MAST2: variants seen among roughly 807,000 people sequenced by gnomAD.
The protein encoded by MAST2 is microtubule-associated serine/threonine-protein kinase 2.
MAST2 carries 70 observed loss-of-function variants against 147.4 expected under a neutral mutation model. That is an observed-to-expected ratio of 0.47 (90% CI 0.39 to 0.58). The LOEUF (loss-of-function observed/expected upper bound fraction) is 0.58. MAST2 is among the 20% of genes least tolerant of loss of function. The probability of loss-of-function intolerance (pLI) is 0.00; values close to 1 mark genes in which losing one functional copy is unlikely to be tolerated. For synonymous variants in MAST2, 869 were observed against 896.8 expected (o/e 0.97, Z 0.55); for missense variants, 2,080 against 2,302.3 (o/e 0.90, Z 1.98).
At chr1:45,879,115 A>G (rs2148262896) in intron 3 of MAST2, among the ~76,000 whole-genome samples, 1 of 152,278 alleles carries the variant, frequency 6.6e-6, no homozygotes, top group South Asian at 2.1e-4. Context: ...AGAAAAATAG[A>G]TCAGTAGGAT....
intron 5 of MAST2, among the ~76,000 whole-genome samples, chr1:45,991,072 G>A (rs1030641552): frequency 6.6e-6 from 1 of 151,976 alleles, no homozygotes; most frequent in African/African-American, 2.4e-5. Flanking sequence ...GTTAATTTTT[G>A]TAAAAGGTTG....
At position 45,866,857 on chromosome 1, in the gene MAST2, C is replaced by G. The variant is rs1646174284; in HGVS notation, c.469-15507C>G. Among the ~76,000 whole-genome samples, 2 of 152,028 alleles carry G rather than the reference C, an allele frequency of 1.3e-5. 1 individual carries two copies. Among genetic ancestry groups the G allele is most frequent in the South Asian group, 4.1e-4 (2 of 4,836 alleles). On this transcript the variant is annotated intron_variant, in intron 3 of 28. Coordinates refer to ENST00000361297, the MANE Select transcript of MAST2 (RefSeq NM_015112.3). ...TCCCAGGTTCAAGTGATTCTCCTGC[C>G]TCTGCCTCCGGAGTCGAGTAGCTGG...
chr1:45,833,277 T>C (rs903762596), intron 3 of MAST2, among the ~76,000 whole-genome samples: 7 of 152,218 alleles, frequency 4.6e-5, no homozygotes, highest in African/African-American at 1.7e-4. Flanking sequence ...GTAGAAATCA[T>C]GATCCTAATT....
chr1:45,987,759 CTTG>C (rs1018432371), intron 5 of MAST2, among the ~76,000 whole-genome samples: 4 of 17,422 alleles, frequency 2.3e-4, no homozygotes, highest in African/African-American at 9.5e-4. Flanking sequence ...GAGAGCATTT[CTTG>C]TTTTTTTTTT....
At chr1:45,842,634 T>C (rs1645312983) in intron 3 of MAST2, among the ~76,000 whole-genome samples, 1 of 152,266 alleles carries the variant, frequency 6.6e-6, no homozygotes, top group African/African-American at 2.4e-5. Context: ...ATTGGTACTT[T>C]ATTCCTTCTT....
At chr1:45,990,623 C>T (rs1187089185) in intron 5 of MAST2, among the ~76,000 whole-genome samples, 2 of 152,054 alleles carry the variant, frequency 1.3e-5, no homozygotes, top group Non-Finnish European at 2.9e-5. Context: ...TAGCTGAGAC[C>T]AGGTGCGTTA....
At chr1:45,906,249 A>G (rs1007047232) in intron 4 of MAST2, among the ~76,000 whole-genome samples, 1 of 152,228 alleles carries the variant, frequency 6.6e-6, no homozygotes, top group Non-Finnish European at 1.5e-5. Flanking sequence ...GACTGCATAG[A>G]CACTGGTGAT....
intron 4 of MAST2, among the ~76,000 whole-genome samples, chr1:45,939,794 C>T (rs28831083): frequency 0.34 from 51,504 of 151,732 alleles, 9,116 homozygotes; most frequent in African/African-American, 0.43. Context: ...CCCACCTTGG[C>T]CTCCCAGAGT....
At position 46,004,954 on chromosome 1, in the gene MAST2, C is replaced by A. The variant is rs1182129999; in HGVS notation, c.748-1287C>A. On this transcript the variant is annotated intron_variant, in intron 7 of 28. Coordinates refer to ENST00000361297, the MANE Select transcript of MAST2 (RefSeq NM_015112.3). ...TGGTGGCATGCACCTGCAGTTTCAG[C>A]TGCTTGGGAGGCTGAGGCATGAGGA... Among the ~76,000 whole-genome samples, 5 of 152,152 alleles carry A rather than the reference C, an allele frequency of 3.3e-5. No individual in the cohort carries two copies. The East Asian group carries it at 9.6e-4, about 29-fold the overall frequency.
intron 5 of MAST2, among the ~76,000 whole-genome samples, chr1:45,989,303 G>T (rs1264718344): frequency 6.6e-6 from 1 of 152,266 alleles, no homozygotes; most frequent in East Asian, 1.9e-4. Flanking sequence ...CTCAGTTCCA[G>T]TGTACGTGTA....
Position 46,029,373 on chromosome 1 carries a change from G to T in MAST2, c.2219-93G>T. 7 of 1,043,976 alleles carry T rather than the reference G, an allele frequency of 6.7e-6. No homozygotes were observed. In the Admixed American group the frequency reaches 7.5e-5, roughly 11 times the overall value. The allele number at this position is 1,043,976 out of a possible 1,614,324, so 64.7% of individuals were successfully genotyped here. A position where few individuals can be genotyped will look rare whatever the true frequency, so the allele number is the denominator to read the frequency against. On this transcript the variant is annotated intron_variant, in intron 18 of 28. Coordinates refer to ENST00000361297, the MANE Select transcript of MAST2 (RefSeq NM_015112.3). ...AGGGGCTCCAGGCTGGGTCCTTTTTGCCTCCTTTCCTTTCACTGTTCTGGG... is the reference window on the plus strand; with the variant it reads ...AGGGGCTCCAGGCTGGGTCCTTTTTTCCTCCTTTCCTTTCACTGTTCTGGG...
At chr1:45,852,544 T>C (rs1645656343) in intron 3 of MAST2, among the ~76,000 whole-genome samples, 1 of 150,958 alleles carries the variant, frequency 6.6e-6, no homozygotes. Context: ...TTTTTTTTTT[T>C]TTAATTTGTA....
intron 4 of MAST2, among the ~76,000 whole-genome samples, chr1:45,897,434 G>T (rs1032762743): frequency 2.0e-5 from 3 of 152,202 alleles, no homozygotes; most frequent in Non-Finnish European, 4.4e-5. Context: ...TTCAGCACTT[G>T]TAGTTGCAAC....
chr1:45,854,802 A>G (rs1171566377), intron 3 of MAST2, among the ~76,000 whole-genome samples: 3 of 152,194 alleles, frequency 2.0e-5, no homozygotes, highest in Admixed American at 2.0e-4. Flanking sequence ...TAAGCATCAG[A>G]TCCCATAGGC....
Position 46,035,091 on chromosome 1 carries a change from C to T in MAST2, c.4422C>T (p.Pro1474=), listed in dbSNP as rs1436953784. The part of the protein sequence containing the change: ...LPGKGVLQPA[P]SRALGTLRQD... Reference sequence around the variant, plus strand: ...GGAAGGGGGTGCTGCAGCCTGCTCCCTCACGGGCCCTAGGCACCCTCCGGC... The same window carrying T: ...GGAAGGGGGTGCTGCAGCCTGCTCCTTCACGGGCCCTAGGCACCCTCCGGC... Residue 1474 remains proline (P), a synonymous_variant, in exon 29 of 29, where the codon CCC becomes CCT. Transcript: ENST00000361297. The surrounding 1 kb of genome is among the most constrained non-coding windows in gnomAD (Gnocchi z 5.5). 1 of 1,613,674 alleles carries T rather than the reference C, an allele frequency of 6.2e-7. No homozygotes were observed. The highest frequency in any genetic ancestry group is 8.5e-7 in the Non-Finnish European group (1 of 1,179,960).
At chr1:45,850,411 G>A (rs559154864) in intron 3 of MAST2, among the ~76,000 whole-genome samples, 1 of 152,068 alleles carries the variant, frequency 6.6e-6, no homozygotes, top group African/African-American at 2.4e-5. Flanking sequence ...TCTACTGATT[G>A]TTTCTTTTGC....
Position 46,034,609 on chromosome 1 carries a change from ACACGG to A in MAST2, c.3942_3946del (p.Arg1315GlnfsTer93). ...CAGTTCCCCAGCCGGCTCTGGGCAC[ACACGG>A]CCCAGCTCCCTCCACGGTCTGGCAC... is the stretch of plus-strand genomic sequence containing the variant. On this transcript the variant is annotated frameshift_variant, in exon 29 of 29. Coordinates refer to ENST00000361297, the MANE Select transcript of MAST2 (RefSeq NM_015112.3). LOFTEE classifies it low-confidence loss of function (END_TRUNC). The A allele has an allele frequency of 6.2e-7, 1 of 1,614,108 alleles. No individual in the cohort carries two copies. Among genetic ancestry groups the A allele is most frequent in the Non-Finnish European group, 8.5e-7 (1 of 1,180,020 alleles).
intron 5 of MAST2, among the ~76,000 whole-genome samples, chr1:45,973,547 T>C (rs1438792321): frequency 6.6e-6 from 1 of 152,204 alleles, no homozygotes; most frequent in Non-Finnish European, 1.5e-5. Context: ...GGGCTAGAGA[T>C]ACAAATGTTG....
chr1:46,002,524 A>C (rs1049928506), intron 6 of MAST2, among the ~76,000 whole-genome samples: 2 of 152,236 alleles, frequency 1.3e-5, no homozygotes, highest in Non-Finnish European at 2.9e-5. Flanking sequence ...AGAGTATGAA[A>C]ATATATATTC....
Sources: gnomAD v4.1 joint callset for allele counts (sites outside exome capture counted in the v4.1 genomes callset) on GRCh38, gnomAD v4.1.1 for gene constraint, Gnocchi (gnomAD v3.1) non-coding constraint, MANE v1.5 for transcripts, NCBI Gene and HGNC (gene_info 2026-07-23, HGNC 2026-07-21) for gene names.